Variants in DCC observed in about 807,000 individuals in gnomAD.
The protein encoded by DCC is DCC netrin 1 receptor, also known as netrin receptor DCC.
In DCC, 58 loss-of-function variants were observed where a neutral mutation model predicts 172.5. That is an observed-to-expected ratio of 0.34 (90% CI 0.27 to 0.42). The LOEUF (loss-of-function observed/expected upper bound fraction) is 0.42, where lower values mean the gene tolerates loss of function less well. Among genes scored for constraint, DCC ranks in the 10% least tolerant of loss-of-function variants. The pLI is 1.00. For missense variants in DCC, 1,740 were observed against 1,791.0 expected (o/e 0.97, Z 0.51); for synonymous variants, 709 against 644.5 (o/e 1.10, Z -1.52).
intron 1 of DCC, among the ~76,000 whole-genome samples, chr18:52,533,304 A>G (rs750311977): frequency 6.6e-5 from 10 of 152,094 alleles, no homozygotes; most frequent in Admixed American, 1.3e-4. Flanking sequence ...ATATTGTTAC[A>G]TGTGTAGGTT....
At chr18:52,979,604 A>G (rs2041174096) in intron 5 of DCC, among the ~76,000 whole-genome samples, 2 of 152,196 alleles carry the variant, frequency 1.3e-5, no homozygotes, top group African/African-American at 4.8e-5. Context: ...GTTCCAAGCA[A>G]AAACACCCCT....
At chr18:53,499,027 A>G (rs2046062583) in intron 26 of DCC, among the ~76,000 whole-genome samples, 1 of 152,194 alleles carries the variant, frequency 6.6e-6, no homozygotes, top group African/African-American at 2.4e-5. Flanking sequence ...CAGACAGTTC[A>G]AGCAATATAG....
At chr18:53,165,794 C>T (rs1320379885) in intron 8 of DCC, among the ~76,000 whole-genome samples, 4 of 152,166 alleles carry the variant, frequency 2.6e-5, no homozygotes, top group Non-Finnish European at 2.9e-5. Flanking sequence ...CCAGCAGATT[C>T]TCTGGAAGGA....
chr18:52,846,702 A>C (rs2038899095), intron 2 of DCC, among the ~76,000 whole-genome samples: 1 of 151,012 alleles, frequency 6.6e-6, no homozygotes. Flanking sequence ...AGCTTTCAGA[A>C]ATGGTGTGTC....
At chr18:53,511,205 A>G (rs1038211660) in intron 27 of DCC, among the ~76,000 whole-genome samples, 60 of 152,348 alleles carry the variant, frequency 3.9e-4, no homozygotes, top group African/African-American at 1.4e-3. Context: ...GTTTTAGTTT[A>G]TAAAAATAAT....
chr18:52,461,146 AC>A (rs1347456259), intron 1 of DCC, among the ~76,000 whole-genome samples: 2 of 152,164 alleles, frequency 1.3e-5, no homozygotes, highest in Non-Finnish European at 2.9e-5. Context: ...TATTTTAAAA[AC>A]TTTTTATTCC....
chr18:52,983,867 G>C (rs148158169), intron 5 of DCC, among the ~76,000 whole-genome samples: 9 of 152,140 alleles, frequency 5.9e-5, no homozygotes, highest in South Asian at 2.1e-4. Flanking sequence ...ATATGTATCA[G>C]CTGGGAGAAA....
At chr18:53,091,302 A>G (rs2043005266) in intron 7 of DCC, among the ~76,000 whole-genome samples, 1 of 149,148 alleles carries the variant, frequency 6.7e-6, no homozygotes, top group Non-Finnish European at 1.5e-5. Context: ...ATGAAAAGAA[A>G]TATTTACTTT....
chr18:53,270,227 G>C (rs1044030284), intron 12 of DCC, among the ~76,000 whole-genome samples: 2 of 152,140 alleles, frequency 1.3e-5, no homozygotes, highest in African/African-American at 4.8e-5. Context: ...TACCTCAAAA[G>C]AGTGCTACCC....
In DCC at chr18:53,300,994, T is replaced by TTCTTTCTTTCTTTCTTTCTTTCTTTC. The variant is rs1555649245; in HGVS notation, c.1912-4583_1912-4582insCTTTCTTTCTTTCTTTCTTTCTTTCT. ...CTTTCTTTCTTTCTTTCTTTCTTTT[T>TTCTTTCTTTCTTTCTTTCTTTCTTTC]TTTTCTTTTCTTTCTTTTCACTCTT... is the stretch of plus-strand genomic sequence containing the variant. On this transcript the variant is annotated intron_variant, in intron 12 of 28. Coordinates refer to ENST00000442544, the MANE Select transcript of DCC (RefSeq NM_005215.4). Among the ~76,000 whole-genome samples, 7 of 134,608 alleles carry TTCTTTCTTTCTTTCTTTCTTTCTTTC rather than the reference T, an allele frequency of 5.2e-5. 1 individual carries two copies. Among genetic ancestry groups the TTCTTTCTTTCTTTCTTTCTTTCTTTC allele is most frequent in the African/African-American group, 2.0e-4 (7 of 34,792 alleles). The allele number at this position is 134,608 out of a possible 152,430, so 88.3% of individuals were successfully genotyped here.
At chr18:53,439,666 T>TG (rs1326907730) in intron 22 of DCC, among the ~76,000 whole-genome samples, 1 of 152,198 alleles carries the variant, frequency 6.6e-6, no homozygotes, top group Admixed American at 6.5e-5. Flanking sequence ...CTCCTGTAGT[T>TG]GGAAGCCCTT....
At chr18:52,549,816 C>T (rs1036064510) in intron 1 of DCC, among the ~76,000 whole-genome samples, 25 of 148,396 alleles carry the variant, frequency 1.7e-4, no homozygotes, top group Non-Finnish European at 3.0e-4. Context: ...CCAGGCACTG[C>T]TTTTTTTTTT....
chr18:52,437,956 A>G (rs183165192), intron 1 of DCC, among the ~76,000 whole-genome samples: 1 of 152,288 alleles, frequency 6.6e-6, no homozygotes, highest in East Asian at 1.9e-4. Context: ...TAGATGCCAA[A>G]TTTTAAGCTT....
chr18:53,013,398 C>T lies in DCC; in HGVS notation c.986-49907C>T, dbSNP rs574957753. ...AATGAGTTCATGTCCTTTGCAGAGA[C>T]GTGGGTGAAGCTGGAAACCATCATC... On this transcript the variant is annotated intron_variant, in intron 5 of 28. Coordinates refer to ENST00000442544, the MANE Select transcript of DCC (RefSeq NM_005215.4). Among the ~76,000 whole-genome samples, 4 of 152,014 alleles carry T rather than the reference C, an allele frequency of 2.6e-5. No homozygotes were observed. The South Asian group carries it at 8.3e-4, about 32-fold the overall frequency.
chr18:52,591,993 C>G (rs2033811983), intron 1 of DCC, among the ~76,000 whole-genome samples: 1 of 151,966 alleles, frequency 6.6e-6, no homozygotes, highest in African/African-American at 2.4e-5. Context: ...TCTGTAGTCA[C>G]TGGATGAATT....
At chr18:53,214,130 TTAAA>T (rs1210798746) in intron 11 of DCC, among the ~76,000 whole-genome samples, 1 of 152,074 alleles carries the variant, frequency 6.6e-6, no homozygotes, top group Admixed American at 6.6e-5. Flanking sequence ...TCTCAAAAAA[TTAAA>T]TAACATTTTA....
At chr18:52,389,547 A>G (rs186108307) in intron 1 of DCC, among the ~76,000 whole-genome samples, 2 of 152,254 alleles carry the variant, frequency 1.3e-5, no homozygotes, top group Admixed American at 1.3e-4. Context: ...GAGATTGAGA[A>G]ATTCTGAATT....
chr18:53,528,519 G>A (rs1502219), intron 28 of DCC, among the ~76,000 whole-genome samples: 31,571 of 151,944 alleles, frequency 0.21, 4,074 homozygotes, highest in East Asian at 0.4. Flanking sequence ...TACATTAAAG[G>A]TTGACTCTAA....
At chr18:52,775,418 A>G (rs9954223) in intron 2 of DCC, among the ~76,000 whole-genome samples, 13,288 of 152,254 alleles carry the variant, frequency 0.087, 666 homozygotes, top group South Asian at 0.18. Flanking sequence ...GCAAGGACAG[A>G]TCTTTCTGTA....
Sources: gnomAD v4.1 joint callset for allele counts (sites outside exome capture counted in the v4.1 genomes callset) on GRCh38, gnomAD v4.1.1 for gene constraint, MANE v1.5 for transcripts, NCBI Gene and HGNC (gene_info 2026-07-23, HGNC 2026-07-21) for gene names.